The following KIF1B variants were observed in gnomAD, a reference collection of about 807,000 sequenced individuals.
The protein encoded by KIF1B is kinesin family member 1B.
In KIF1B, 76 loss-of-function variants were observed where a neutral mutation model predicts 241.9. The observed-to-expected ratio is 0.31, with a 90% CI of 0.26 to 0.38. The LOEUF (loss-of-function observed/expected upper bound fraction) is 0.38, where lower values mean the gene tolerates loss of function less well. Among genes scored for constraint, KIF1B ranks in the 10% least tolerant of loss-of-function variants. KIF1B has a pLI of 1.00. For synonymous variants in KIF1B, 750 were observed against 796.7 expected, an observed-to-expected ratio of 0.94 and a Z score of 0.99; for missense variants, 1,622 against 2,271.4, an observed-to-expected ratio of 0.71 and a Z score of 5.81.
At chr1:10,314,349 A>G (rs1310799800) in intron 22 of KIF1B, among the ~76,000 whole-genome samples, 1 of 151,488 alleles carries the variant, frequency 6.6e-6, no homozygotes, top group Non-Finnish European at 1.5e-5. Context: ...GAGGGGGCCA[A>G]TTCAATAGAT....
At chr1:10,275,286 T>C in intron 10 of KIF1B, 142 bp from the exon 11 acceptor site, 1 of 639,572 alleles carries the variant, frequency 1.6e-6, no homozygotes, top group Non-Finnish European at 2.8e-6. Flanking sequence ...TTGTGAAGAA[T>C]TGAAACTATG....
At chr1:10,251,778 T>C (rs989796560) in intron 2 of KIF1B, among the ~76,000 whole-genome samples, 6 of 152,006 alleles carry the variant, frequency 3.9e-5, no homozygotes, top group Non-Finnish European at 8.8e-5. Context: ...CCCTGTCTTA[T>C]GGTGCAGAGG....
At chr1:10,297,275 G>T in intron 22 of KIF1B, 29 bp downstream of exon 22, 1 of 1,595,510 alleles carries the variant, frequency 6.3e-7, no homozygotes, top group Non-Finnish European at 8.6e-7. Flanking sequence ...CTAAACTGTT[G>T]GGAAAAGGGC....
chr1:10,330,797 C>T (rs1057442014), intron 27 of KIF1B, among the ~76,000 whole-genome samples: 1 of 152,182 alleles, frequency 6.6e-6, no homozygotes, highest in African/African-American at 2.4e-5. Flanking sequence ...GGTTCCTGCC[C>T]TCATAGACTT....
chr1:10,229,978 A>G (rs1217306797), intron 1 of KIF1B, among the ~76,000 whole-genome samples: 1 of 152,092 alleles, frequency 6.6e-6, no homozygotes, highest in East Asian at 1.9e-4. Context: ...GTTTGAGAAC[A>G]GACTGGGCAA....
Position 10,232,307 on chromosome 1 carries a change from T to C in KIF1B, c.-22T>C. ...ATTCTTTATTTCTGGACTGCATATA[T>C]ATATATAACAAGGCCATTAAAATGT... On this transcript the variant is annotated 5_prime_UTR_variant, in exon 2 of 49. Coordinates refer to ENST00000676179, the MANE Select transcript of KIF1B (RefSeq NM_001365951.3). 6.7e-7 allele frequency: 1 copy of C among 1,492,952 alleles called. No homozygotes were observed. The allele number at this position is 1,492,952 out of a possible 1,614,324, so 92.5% of individuals were successfully genotyped here. A position where few individuals can be genotyped will look rare whatever the true frequency, so the allele number is the denominator to read the frequency against.
At chr1:10,269,379 G>T (rs902425933) in intron 7 of KIF1B, among the ~76,000 whole-genome samples, 3 of 151,800 alleles carry the variant, frequency 2.0e-5, no homozygotes, top group Non-Finnish European at 2.9e-5. Flanking sequence ...GCTGTGCGTG[G>T]TGGCATGCGC....
chr1:10,315,635 A>G (rs1022717747), intron 22 of KIF1B, among the ~76,000 whole-genome samples: 2 of 151,630 alleles, frequency 1.3e-5, no homozygotes, highest in Non-Finnish European at 2.9e-5. Flanking sequence ...CAAGGTTTAT[A>G]TATTTCATTT....
chr1:10,352,727 A>G lies in KIF1B; in HGVS notation c.4046A>G (p.Asn1349Ser). 1.2e-6 allele frequency: 2 copies of G among 1,611,604 alleles called. No individual in the cohort carries two copies. The highest frequency in any genetic ancestry group is 1.3e-5 in the African/African-American group (1 of 74,938). ...ISAKYLKSSH[N>S]SSRTFYRFEA... Reference sequence around the variant, plus strand: ...GCCAAGTACCTGAAGTCTTCCCACAACTCTAGCAGGTGGGACACCCAGAGC... The same window carrying G: ...GCCAAGTACCTGAAGTCTTCCCACAGCTCTAGCAGGTGGGACACCCAGAGC... The change falls in exon 38 of 49, where the codon AAC (asparagine) becomes AGC (serine). Residue 1349 changes from asparagine to serine, a missense_variant. By Grantham distance (46) the Asn-to-Ser change is conservative. This residue lies in a region of KIF1B where 803 missense variants were observed against 1,112.0 expected (regional missense o/e 0.72). Transcript: ENST00000676179.
In KIF1B at chr1:10,306,322, G is replaced by A. The variant is rs1014439329; in HGVS notation, c.2115+9076G>A. ...ATCTCCTGTGCCATTTGGTTTGAAT[G>A]TACTTGATAGGCTGCTTCAAATCAG... On this transcript the variant is annotated intron_variant, in intron 22 of 48. Coordinates refer to ENST00000676179, the MANE Select transcript of KIF1B (RefSeq NM_001365951.3). The A allele has an allele frequency of 1.4e-5, 15 of 1,047,444 alleles. No homozygotes were observed. In the African/African-American group the frequency reaches 2.0e-4, roughly 14 times the overall value. The allele number at this position is 1,047,444 out of a possible 1,614,324, so 64.9% of individuals were successfully genotyped here.
At chr1:10,246,573 G>A (rs550121185) in intron 2 of KIF1B, among the ~76,000 whole-genome samples, 12 of 152,162 alleles carry the variant, frequency 7.9e-5, no homozygotes, top group African/African-American at 2.9e-4. Context: ...GTGAAACCCC[G>A]TCTCTACTAA....
rs1299777396 is a variant in KIF1B, at chr1:10,323,564, G to A, written c.2359-320G>A. On this transcript the variant is annotated intron_variant, in intron 24 of 48. Coordinates refer to ENST00000676179, the MANE Select transcript of KIF1B (RefSeq NM_001365951.3). Reference sequence around the variant, plus strand: ...CTGAGCCTAGGAGGTGGAGGCTACAGTGCTCTGTGATTGCATCACTGCACC... The same window carrying A: ...CTGAGCCTAGGAGGTGGAGGCTACAATGCTCTGTGATTGCATCACTGCACC... Among the ~76,000 whole-genome samples the A allele has an allele frequency of 2.0e-5, 3 of 152,176 alleles. 1 individual carries two copies. Among genetic ancestry groups the A allele is most frequent in the Non-Finnish European group, 4.4e-5 (3 of 68,040 alleles).
intron 40 of KIF1B, 111 bp downstream of exon 40, chr1:10,361,936 C>T (rs2102345854): frequency 1.5e-6 from 2 of 1,322,744 alleles, no homozygotes; most frequent in East Asian, 4.6e-5. Flanking sequence ...AGTTTATGAA[C>T]CATTTTGGTA....
intron 43 of KIF1B, 66 bp from the exon 44 acceptor site, chr1:10,368,401 G>C: frequency 5.7e-6 from 8 of 1,393,074 alleles, no homozygotes; most frequent in Non-Finnish European, 8.1e-6. Flanking sequence ...CACGTGGTCA[G>C]CTATCCCAAG....
intron 2 of KIF1B, among the ~76,000 whole-genome samples, chr1:10,246,290 C>T (rs893940277): frequency 1.3e-5 from 2 of 152,116 alleles, no homozygotes; most frequent in African/African-American, 4.8e-5. Context: ...TTCTCATAGG[C>T]CACATATATC....
chr1:10,283,096 A>G (rs1486705327), intron 15 of KIF1B, among the ~76,000 whole-genome samples: 1 of 149,474 alleles, frequency 6.7e-6, no homozygotes, highest in Non-Finnish European at 1.5e-5. Context: ...AGTCCCAGCT[A>G]CTCCTGAGGC....
chr1:10,267,609 C>T, intron 6 of KIF1B, 51 bp downstream of exon 6: 4 of 1,578,428 alleles, frequency 2.5e-6, no homozygotes, highest in Non-Finnish European at 3.5e-6. Context: ...CTTTTGAGGT[C>T]CTTTTTTCCC....
chr1:10,254,678 C>T lies in KIF1B; in HGVS notation c.107-1569C>T, dbSNP rs539136543. On this transcript the variant is annotated intron_variant, in intron 2 of 48. Transcript: ENST00000676179. ...GATCACAAGGTCAGGAGATCAAGAC[C>T]ATCCTGGCTAACACGGTGAAACCCC... 2.1e-4 allele frequency among the ~76,000 whole-genome samples: 32 copies of T among 151,852 alleles called. No homozygotes were observed. The South Asian group carries it at 6.2e-3, about 30-fold the overall frequency.
At chr1:10,267,354 A>C in intron 5 of KIF1B, 26 bp from the exon 6 acceptor site, 1 of 1,607,946 alleles carries the variant, frequency 6.2e-7, no homozygotes, top group Non-Finnish European at 8.5e-7. Context: ...TTTTCACTCT[A>C]ATTCACTTTA....
Sources: allele counts gnomAD v4.1 joint callset (sites outside exome capture counted in the v4.1 genomes callset), GRCh38; gene constraint gnomAD v4.1.1; regional missense constraint gnomAD v4.1.1; transcripts MANE v1.5; gene names NCBI Gene and HGNC (gene_info 2026-07-23, HGNC 2026-07-21).